The following GFRAL variants were observed in gnomAD, a reference collection of about 807,000 sequenced individuals.
GFRAL encodes GDNF family receptor alpha-like.
A neutral mutation model predicts 45.4 loss-of-function variants in GFRAL; 36 were observed. That is an observed-to-expected ratio of 0.79 (90% confidence interval 0.61 to 1.05). GFRAL has a LOEUF of 1.05. GFRAL is among the 50% of genes least tolerant of loss of function. The pLI, the probability that GFRAL is intolerant of heterozygous loss-of-function variation, is 0.00. For synonymous variants in GFRAL, 166 were observed against 154.1 expected, an observed-to-expected ratio of 1.08 and a Z score of -0.57; for missense variants, 507 against 467.5, an observed-to-expected ratio of 1.08 and a Z score of -0.78.
intron 1 of GFRAL, among the ~76,000 whole-genome samples, chr6:55,328,572 C>A (rs1767794191): frequency 1.3e-5 from 2 of 151,630 alleles, no homozygotes; most frequent in African/African-American, 4.8e-5. Flanking sequence ...TGTAATTATT[C>A]CTAAAATATT....
intron 6 of GFRAL, among the ~76,000 whole-genome samples, chr6:55,391,054 C>A (rs946869939): frequency 4.6e-5 from 7 of 151,926 alleles, no homozygotes; most frequent in African/African-American, 1.7e-4. Flanking sequence ...ATAGGGGAAA[C>A]ATGAGGCTCA....
intron 3 of GFRAL, 129 bp downstream of exon 3, chr6:55,334,073 T>C (rs1219833658): frequency 3.0e-6 from 2 of 658,498 alleles, no homozygotes; most frequent in East Asian, 6.1e-5. Context: ...GCTTTATTAT[T>C]TTAAAAATTT....
chr6:55,382,276 G>T (rs761132489), intron 6 of GFRAL, among the ~76,000 whole-genome samples: 88 of 151,932 alleles, frequency 5.8e-4, no homozygotes, highest in Non-Finnish European at 1.1e-3. Flanking sequence ...TAAGGATCTT[G>T]TTTTTTATTA....
chr6:55,346,504 G>C (rs1433650303), intron 3 of GFRAL, among the ~76,000 whole-genome samples: 1 of 151,936 alleles, frequency 6.6e-6, no homozygotes, highest in Non-Finnish European at 1.5e-5. Flanking sequence ...AGAACACTTG[G>C]ACACAGGGAG....
Position 55,399,359 on chromosome 6 carries a change from CT to C in GFRAL, c.1049-5del, listed in dbSNP as rs776608554. The C allele has an allele frequency of 8.9e-5, 142 of 1,599,104 alleles. No homozygotes were observed. The highest frequency in any genetic ancestry group is 1.2e-4 in the Non-Finnish European group (137 of 1,168,974). ...GTGACTATTATTTCTTAATCTTTTT[CT>C]TTTTCTAGGAGAAGTAATCTATGCT... On this transcript the variant is annotated splice_polypyrimidine_tract_variant and intron_variant, in intron 7 of 8. Coordinates refer to ENST00000340465, the MANE Select transcript of GFRAL (RefSeq NM_207410.2).
At chr6:55,395,421 T>C (rs1488937878) in intron 6 of GFRAL, among the ~76,000 whole-genome samples, 2 of 151,934 alleles carry the variant, frequency 1.3e-5, no homozygotes, top group Non-Finnish European at 2.9e-5. Flanking sequence ...ATTTGTCTTA[T>C]TTATTACAAA....
At chr6:55,347,071 T>A (rs1163387615) in intron 3 of GFRAL, among the ~76,000 whole-genome samples, 1 of 151,820 alleles carries the variant, frequency 6.6e-6, no homozygotes, top group Non-Finnish European at 1.5e-5. Flanking sequence ...TTATAGAGAA[T>A]CACGGGAAAG....
chr6:55,397,550 A>AAAAT (rs1768843694), intron 6 of GFRAL, among the ~76,000 whole-genome samples: 1 of 147,584 alleles, frequency 6.8e-6, no homozygotes, highest in Non-Finnish European at 1.5e-5. Flanking sequence ...AAAAAAAAAA[A>AAAAT]TGCCTTAACT....
At chr6:55,346,409 G>C (rs1027971014) in intron 3 of GFRAL, among the ~76,000 whole-genome samples, 9 of 152,104 alleles carry the variant, frequency 5.9e-5, no homozygotes, top group African/African-American at 2.2e-4. Context: ...GATGAAGCTG[G>C]AAACCATCAT....
chr6:55,394,957 C>T (rs1768802243), intron 6 of GFRAL, among the ~76,000 whole-genome samples: 1 of 151,702 alleles, frequency 6.6e-6, no homozygotes, highest in African/African-American at 2.4e-5. Context: ...AAAAAGAAAT[C>T]CCATATTTTA....
intron 6 of GFRAL, among the ~76,000 whole-genome samples, chr6:55,394,514 T>C (rs901989763): frequency 1.4e-5 from 2 of 141,728 alleles, no homozygotes; most frequent in Non-Finnish European, 3.0e-5. Flanking sequence ...AAAAACCTGT[T>C]TGGAAATGTA....
intron 4 of GFRAL, among the ~76,000 whole-genome samples, chr6:55,350,839 C>G (rs771752105): frequency 4.6e-5 from 7 of 152,044 alleles, no homozygotes; most frequent in Non-Finnish European, 8.8e-5. Context: ...ATATGTGGAG[C>G]CTTTATTCAA....
intron 3 of GFRAL, among the ~76,000 whole-genome samples, chr6:55,340,874 A>G (rs1465627547): frequency 6.6e-6 from 1 of 152,170 alleles, no homozygotes; most frequent in Non-Finnish European, 1.5e-5. Context: ...CCAGGAGATT[A>G]TATCCCGTGC....
intron 6 of GFRAL, among the ~76,000 whole-genome samples, chr6:55,365,417 T>C (rs1768347055): frequency 8.2e-6 from 1 of 121,616 alleles, no homozygotes; most frequent in South Asian, 2.9e-4. Context: ...TTTTCCTAAT[T>C]GAATACCCTT....
At chr6:55,339,744 A>G (rs181354894) in intron 3 of GFRAL, among the ~76,000 whole-genome samples, 11 of 152,326 alleles carry the variant, frequency 7.2e-5, no homozygotes, top group Admixed American at 6.5e-4. Context: ...CTGAAATGTT[A>G]GCATGCTGAA....
intron 4 of GFRAL, 119 bp from the exon 5 acceptor site, chr6:55,351,134 A>C: frequency 2.8e-6 from 2 of 726,574 alleles, no homozygotes; most frequent in Non-Finnish European, 4.7e-6. Flanking sequence ...TGTTTGCCAA[A>C]AATAGGACAT....
At chr6:55,349,873 G>A (rs1412478764) in intron 3 of GFRAL, among the ~76,000 whole-genome samples, 1 of 151,720 alleles carries the variant, frequency 6.6e-6, no homozygotes, top group African/African-American at 2.4e-5. Flanking sequence ...CTCAGAGCAG[G>A]GCTGTATAGC....
chr6:55,374,572 T>G (rs1256841985), intron 6 of GFRAL, among the ~76,000 whole-genome samples: 1 of 152,188 alleles, frequency 6.6e-6, no homozygotes, highest in Non-Finnish European at 1.5e-5. Flanking sequence ...TCTTCCACTA[T>G]GTAGGTTGTC....
At chr6:55,343,674 A>G (rs1021342950) in intron 3 of GFRAL, among the ~76,000 whole-genome samples, 1 of 152,080 alleles carries the variant, frequency 6.6e-6, no homozygotes, top group African/African-American at 2.4e-5. Context: ...AAATAACTAA[A>G]ATCAGAGCAG....
Sources: allele counts gnomAD v4.1 joint callset (sites outside exome capture counted in the v4.1 genomes callset), GRCh38; gene constraint gnomAD v4.1.1; transcripts MANE v1.5; gene names NCBI Gene and HGNC (gene_info 2026-07-23, HGNC 2026-07-21).